ATF6: variants seen among roughly 807,000 people sequenced by gnomAD.
The protein encoded by ATF6 is activating transcription factor 6.
ATF6 carries 53 observed loss-of-function variants against 83.6 expected under a neutral mutation model. The observed-to-expected ratio is 0.63, with a 90% confidence interval of 0.51 to 0.80. ATF6 has a LOEUF of 0.80. Among genes scored for constraint, ATF6 ranks in the 30% least tolerant of loss-of-function variants. The probability of loss-of-function intolerance (pLI) is 0.00; values close to 1 mark genes in which losing one functional copy is unlikely to be tolerated. For synonymous variants in ATF6, 288 were observed against 285.8 expected (o/e 1.01, Z -0.08); for missense variants, 744 against 797.9 (o/e 0.93, Z 0.81).
chr1:161,843,098 C>T (rs887245715), intron 9 of ATF6, among the ~76,000 whole-genome samples: 22 of 152,224 alleles, frequency 1.4e-4, no homozygotes, highest in African/African-American at 3.9e-4. Flanking sequence ...GACAGGGTGC[C>T]ATCCCTTTGA....
Position 161,851,274 on chromosome 1 carries a change from A to ACACACC in ATF6, c.1320-447_1320-446insACACCC, listed in dbSNP as rs1264016372. Among the ~76,000 whole-genome samples the ACACACC allele has an allele frequency of 1.8e-4, 26 of 144,226 alleles. 1 individual carries two copies. Among genetic ancestry groups the ACACACC allele is most frequent in the Admixed American group, 1.1e-3 (16 of 14,568 alleles). 94.6% of individuals were successfully genotyped at this position (144,226 alleles called of 152,430 possible). Reference sequence around the variant, plus strand: ...CACACACACACACACACACACACACACCCCTACCTGTTTTACAGATACTAT... The same window carrying ACACACC: ...CACACACACACACACACACACACACACACACCCCCCTACCTGTTTTACAGATACTAT... On this transcript the variant is annotated intron_variant, in intron 10 of 15. Transcript: ENST00000367942.
chr1:161,842,571 G>C (rs1686382641), intron 9 of ATF6, among the ~76,000 whole-genome samples: 1 of 152,140 alleles, frequency 6.6e-6, no homozygotes, highest in South Asian at 2.1e-4. Context: ...CAGCAACCTG[G>C]ATGGGATTGG....
At chr1:161,889,429 TC>T (rs1687502942) in intron 14 of ATF6, among the ~76,000 whole-genome samples, 1 of 152,240 alleles carries the variant, frequency 6.6e-6, no homozygotes, top group Non-Finnish European at 1.5e-5. Flanking sequence ...TTAATAAACT[TC>T]CTGTAAGCAC....
chr1:161,768,693 C>T (rs373212062), intron 1 of ATF6, among the ~76,000 whole-genome samples: 2 of 151,970 alleles, frequency 1.3e-5, no homozygotes, highest in South Asian at 4.2e-4. Flanking sequence ...CCTCCTGAGT[C>T]GCTAGGACTA....
chr1:161,931,859 C>T (rs1438734267), intron 15 of ATF6, among the ~76,000 whole-genome samples: 1 of 152,182 alleles, frequency 6.6e-6, no homozygotes, highest in Non-Finnish European at 1.5e-5. Context: ...TTATCTTGAG[C>T]AAGCCTTATT....
At chr1:161,903,934 A>T (rs1221679226) in intron 14 of ATF6, among the ~76,000 whole-genome samples, 1 of 152,200 alleles carries the variant, frequency 6.6e-6, no homozygotes, top group African/African-American at 2.4e-5. Context: ...GGCCCACCTC[A>T]GACTTACCAT....
At chr1:161,932,050 C>CTG (rs1688445053) in intron 15 of ATF6, among the ~76,000 whole-genome samples, 1 of 152,088 alleles carries the variant, frequency 6.6e-6, no homozygotes, top group South Asian at 2.1e-4. Context: ...GTTGTTTACC[C>CTG]TGTGCCAAGC....
intron 9 of ATF6, among the ~76,000 whole-genome samples, chr1:161,836,914 G>T (rs959474707): frequency 3.9e-5 from 6 of 152,204 alleles, no homozygotes; most frequent in African/African-American, 1.4e-4. Flanking sequence ...GTGAGAAGGG[G>T]TCGGTGAGAA....
At chr1:161,909,121 A>T (rs1687935683) in intron 14 of ATF6, among the ~76,000 whole-genome samples, 1 of 152,236 alleles carries the variant, frequency 6.6e-6, no homozygotes, top group Non-Finnish European at 1.5e-5. Flanking sequence ...TAGATAAATT[A>T]TAAGTTTATT....
intron 9 of ATF6, among the ~76,000 whole-genome samples, chr1:161,826,327 T>A (rs774351641): frequency 1.4e-4 from 21 of 152,090 alleles, no homozygotes; most frequent in African/African-American, 5.1e-4. Flanking sequence ...AAAAAATTTT[T>A]AAAAATGAAT....
At chr1:161,904,834 C>T (rs371238099) in intron 14 of ATF6, among the ~76,000 whole-genome samples, 14 of 152,260 alleles carry the variant, frequency 9.2e-5, no homozygotes, top group East Asian at 3.9e-4. Context: ...GCTTCTAATG[C>T]GAGCAAGTGT....
chr1:161,831,259 C>T (rs1428797363), intron 9 of ATF6, among the ~76,000 whole-genome samples: 1 of 152,212 alleles, frequency 6.6e-6, no homozygotes, highest in African/African-American at 2.4e-5. Context: ...CATCTCACAC[C>T]AGTTAAAATG....
intron 9 of ATF6, among the ~76,000 whole-genome samples, chr1:161,826,106 G>A (rs10918029): frequency 0.15 from 23,195 of 152,082 alleles, 2,715 homozygotes; most frequent in African/African-American, 0.32. Flanking sequence ...AGGGAACATA[G>A]AAGTAACCAG....
chr1:161,792,474 A>T, intron 6 of ATF6, 147 bp downstream of exon 6: 1 of 750,548 alleles, frequency 1.3e-6, no homozygotes, highest in Non-Finnish European at 2.2e-6. Flanking sequence ...TGCAGAGATG[A>T]CTAATGTGTG....
chr1:161,856,140 A>G (rs1413179488), intron 12 of ATF6, among the ~76,000 whole-genome samples: 4 of 152,248 alleles, frequency 2.6e-5, no homozygotes, highest in Non-Finnish European at 4.4e-5. Flanking sequence ...TCTAAAGTAC[A>G]TTAAAAGGAT....
chr1:161,813,760 T>C (rs1685534071), intron 7 of ATF6, among the ~76,000 whole-genome samples: 1 of 152,172 alleles, frequency 6.6e-6, no homozygotes, highest in Non-Finnish European at 1.5e-5. Context: ...TATTTTTAGA[T>C]TTTCCAATTA....
intron 14 of ATF6, chr1:161,891,969 G>A (rs137952565): frequency 2.0e-5 from 3 of 152,282 alleles, no homozygotes; most frequent in African/African-American, 7.2e-5. Flanking sequence ...TGGCCTTAGC[G>A]ACATTGAATG....
chr1:161,874,137 C>T (rs1157808083), intron 14 of ATF6, among the ~76,000 whole-genome samples: 1 of 151,544 alleles, frequency 6.6e-6, no homozygotes, highest in African/African-American at 2.4e-5. Context: ...AAGAATTTCT[C>T]TGGGTTTCAA....
rs531431512 is a variant in ATF6, at chr1:161,927,841, A to C, written c.1804+15461A>C. Among the ~76,000 whole-genome samples, 3 of 152,354 alleles carry C rather than the reference A, an allele frequency of 2.0e-5. No homozygotes were observed. The East Asian group carries it at 5.8e-4, about 29-fold the overall frequency. ...ATACTATTACTGTTAATAGTAAAAAATGTCTGAACTATACTGTTGGAATAA... is the reference window on the plus strand; with the variant it reads ...ATACTATTACTGTTAATAGTAAAAACTGTCTGAACTATACTGTTGGAATAA... On this transcript the variant is annotated intron_variant, in intron 15 of 15. Coordinates refer to ENST00000367942, the MANE Select transcript of ATF6 (RefSeq NM_007348.4).
Sources: gnomAD v4.1 joint callset for allele counts (sites outside exome capture counted in the v4.1 genomes callset) on GRCh38, gnomAD v4.1.1 for gene constraint, MANE v1.5 for transcripts, NCBI Gene and HGNC (gene_info 2026-07-23, HGNC 2026-07-21) for gene names.